Variants in GALNT13 observed in about 807,000 individuals in gnomAD.
The protein encoded by GALNT13 is UDP-GalNAc:polypeptide N-acetylgalactosaminyltransferase 13.
Under a neutral mutation model 64.2 loss-of-function variants are expected in GALNT13, and 28 were observed. The ratio of observed to expected loss-of-function variants is 0.44; its 90% CI spans 0.32 to 0.60. The LOEUF is 0.60. Among genes scored for constraint, GALNT13 ranks in the 20% least tolerant of loss-of-function variants. The probability of loss-of-function intolerance (pLI) is 0.05; values close to 1 mark genes in which losing one functional copy is unlikely to be tolerated. For synonymous variants in GALNT13, 214 were observed against 224.6 expected (o/e 0.95, Z 0.42); for missense variants, 577 against 669.8 (o/e 0.86, Z 1.53).
chr2:153,319,868 G>A, the GALNT13 span, among the ~76,000 whole-genome samples: 1 of 152,144 alleles, frequency 6.6e-6, no homozygotes, highest in African/African-American at 2.4e-5. Flanking sequence ...TCAGGGGAGA[G>A]GGAAGGGTGG....
At chr2:153,397,928 T>C in the GALNT13 span, among the ~76,000 whole-genome samples, 3 of 152,138 alleles carry the variant, frequency 2.0e-5, no homozygotes, top group African/African-American at 4.8e-5. Context: ...TTAATTTATT[T>C]TTTATTATTA....
At position 153,998,415 on chromosome 2, in the gene GALNT13, A is replaced by T. The variant is rs571810781; in HGVS notation, c.142+53776A>T. Among the ~76,000 whole-genome samples, 12 of 152,008 alleles carry T rather than the reference A, an allele frequency of 7.9e-5. No individual in the cohort carries two copies. In the South Asian group the frequency reaches 2.1e-3, roughly 26 times the overall value. On this transcript the variant is annotated intron_variant, in intron 3 of 12. Coordinates refer to ENST00000392825, the MANE Select transcript of GALNT13 (RefSeq NM_052917.4). The stretch of plus-strand genomic sequence containing the variant: ...CCAGTGATAATGAGCTTTTTTTCAT[A>T]TGTTTGTTGACAGCATAAAGGTCTT...
intron 7 of GALNT13, among the ~76,000 whole-genome samples, chr2:154,249,240 C>G (rs1689942808): frequency 6.6e-6 from 1 of 152,088 alleles, no homozygotes; most frequent in African/African-American, 2.4e-5. Context: ...ATTTGTATTC[C>G]ATGCATACAA....
At chr2:153,395,872 A>G in the GALNT13 span, among the ~76,000 whole-genome samples, 3 of 152,128 alleles carry the variant, frequency 2.0e-5, no homozygotes, top group African/African-American at 7.2e-5. Context: ...TTACTGGGTT[A>G]AGGGAGATTA....
At chr2:154,057,118 C>T (rs758717741) in intron 3 of GALNT13, among the ~76,000 whole-genome samples, 2 of 152,108 alleles carry the variant, frequency 1.3e-5, no homozygotes, top group East Asian at 3.9e-4. Flanking sequence ...CAACTTCCGT[C>T]TCCTGGGTTC....
Position 154,170,442 on chromosome 2 carries a change from C to A in GALNT13, c.311+29937C>A, listed in dbSNP as rs374204417. Among the ~76,000 whole-genome samples, 31 of 152,264 alleles carry A rather than the reference C, an allele frequency of 2.0e-4. No homozygotes were observed. In the South Asian group the frequency reaches 6.2e-3, roughly 31 times the overall value. ...AGATTTGATGCTGGACTGCTATCCA[C>A]GTTGTTTACAGTGACCATATATATG... On this transcript the variant is annotated intron_variant, in intron 4 of 12. Transcript: ENST00000392825.
intron 4 of GALNT13, among the ~76,000 whole-genome samples, chr2:154,167,481 T>A (rs1311454397): frequency 6.6e-6 from 1 of 152,208 alleles, no homozygotes; most frequent in Admixed American, 6.5e-5. Context: ...AGGCAGCCTC[T>A]TCTTTGAACA....
intron 3 of GALNT13, among the ~76,000 whole-genome samples, chr2:153,979,762 GA>G (rs1322620058): frequency 6.6e-6 from 1 of 152,140 alleles, no homozygotes; most frequent in Non-Finnish European, 1.5e-5. Context: ...AAAGAGTAAA[GA>G]AGGGCAGATT....
At chr2:154,163,908 T>C (rs1684878684) in intron 4 of GALNT13, among the ~76,000 whole-genome samples, 2 of 152,174 alleles carry the variant, frequency 1.3e-5, no homozygotes, top group African/African-American at 4.8e-5. Flanking sequence ...GGTCTTAGTT[T>C]TTTTGTTTAT....
the GALNT13 span, among the ~76,000 whole-genome samples, chr2:153,451,661 G>A: frequency 2.0e-5 from 3 of 152,134 alleles, no homozygotes; most frequent in Non-Finnish European, 4.4e-5. Context: ...CCAGTGTACT[G>A]TATGTTTTTG....
At chr2:153,086,310 A>G in the GALNT13 span, among the ~76,000 whole-genome samples, 1 of 152,124 alleles carries the variant, frequency 6.6e-6, no homozygotes, top group African/African-American at 2.4e-5. Context: ...TTGGTTTTGA[A>G]ATGTGAAGAC....
chr2:153,837,841 C>T, the GALNT13 span, among the ~76,000 whole-genome samples: 7 of 152,098 alleles, frequency 4.6e-5, no homozygotes, highest in Admixed American at 2.0e-4. Flanking sequence ...TAAGGAATCT[C>T]CTTACTTTTT....
chr2:154,362,684 TA>T (rs1372880446), intron 9 of GALNT13, among the ~76,000 whole-genome samples: 2 of 152,118 alleles, frequency 1.3e-5, no homozygotes, highest in Admixed American at 1.3e-4. Flanking sequence ...AATTATGAGC[TA>T]AAAAAACTGG....
At chr2:153,589,944 T>C in the GALNT13 span, among the ~76,000 whole-genome samples, 1 of 151,934 alleles carries the variant, frequency 6.6e-6, no homozygotes, top group East Asian at 1.9e-4. Context: ...AACAACATAA[T>C]GTACCCAAAA....
chr2:154,162,000 C>A (rs185970369), intron 4 of GALNT13, among the ~76,000 whole-genome samples: 634 of 152,272 alleles, frequency 4.2e-3, no homozygotes, highest in African/African-American at 0.015. Context: ...CCAGGATGGT[C>A]TTGATCTCCT....
rs1415285404 is a variant in GALNT13, at chr2:154,452,971, T to C, written c.*2420T>C. 6.6e-6 allele frequency: 1 copy of C among 152,174 alleles called. No homozygotes were observed. Among genetic ancestry groups the C allele is most frequent in the African/African-American group, 2.4e-5 (1 of 41,468 alleles). 9.4% of individuals were successfully genotyped at this position (152,174 alleles called of 1,614,324 possible). A position where few individuals can be genotyped will look rare whatever the true frequency, so the allele number is the denominator to read the frequency against. On this transcript the variant is annotated 3_prime_UTR_variant, in exon 13 of 13. Transcript: ENST00000392825. ...GTTAATGCAACTTCAACCTTCCAGA[T>C]GCTCAGGTCAAAAACTGAAAGTTGC...
chr2:153,458,251 T>G, the GALNT13 span, among the ~76,000 whole-genome samples: 7 of 152,034 alleles, frequency 4.6e-5, no homozygotes, highest in South Asian at 2.1e-4. Context: ...TTTTTTTTTG[T>G]CATTTTTAAT....
chr2:153,210,499 C>T, the GALNT13 span, among the ~76,000 whole-genome samples: 1 of 152,070 alleles, frequency 6.6e-6, no homozygotes, highest in Non-Finnish European at 1.5e-5. Context: ...TTAGGATAAA[C>T]ACTAGTGGAT....
At chr2:154,122,571 A>G (rs1682013525) in intron 3 of GALNT13, among the ~76,000 whole-genome samples, 1 of 151,996 alleles carries the variant, frequency 6.6e-6, no homozygotes, top group African/African-American at 2.4e-5. Context: ...TCTTTGTTGG[A>G]AGTATAATTA....
Sources: gnomAD v4.1 joint callset for allele counts (sites outside exome capture counted in the v4.1 genomes callset) on GRCh38, gnomAD v4.1.1 for gene constraint, MANE v1.5 for transcripts, NCBI Gene and HGNC (gene_info 2026-07-23, HGNC 2026-07-21) for gene names.